The following KCNMB2 variants were observed in gnomAD, a reference collection of about 807,000 sequenced individuals.
KCNMB2 encodes calcium-activated potassium channel subunit beta-2.
KCNMB2 carries 9 observed loss-of-function variants against 24.5 expected under a neutral mutation model. That is an observed-to-expected ratio of 0.37 (90% CI 0.22 to 0.64). KCNMB2 has a LOEUF of 0.64. Ranked by LOEUF, KCNMB2 falls within the 30% of genes least tolerant of loss-of-function variation. KCNMB2 has a pLI of 0.63. For missense variants in KCNMB2, 226 were observed against 284.3 expected (o/e 0.79, Z 1.47); for synonymous variants, 109 against 104.4 (o/e 1.04, Z -0.27).
chr3:178,694,073 C>T (rs1187394979), intron 1 of KCNMB2, among the ~76,000 whole-genome samples: 1 of 152,104 alleles, frequency 6.6e-6, no homozygotes, highest in East Asian at 1.9e-4. Context: ...AGAAGTTTGA[C>T]TCCCAGTTCA....
intron 1 of KCNMB2, among the ~76,000 whole-genome samples, chr3:178,774,824 CA>C (rs969970168): frequency 2.0e-5 from 3 of 152,222 alleles, no homozygotes; most frequent in Non-Finnish European, 2.9e-5. Context: ...ATTATACCAA[CA>C]GTTTAAATAC....
At chr3:178,559,310 A>C (rs558661788) in intron 1 of KCNMB2, among the ~76,000 whole-genome samples, 57 of 152,274 alleles carry the variant, frequency 3.7e-4, no homozygotes, top group African/African-American at 1.3e-3. Flanking sequence ...CTCATATTTT[A>C]AAACATTGCG....
chr3:178,550,102 T>C (rs1355717263), intron 1 of KCNMB2, among the ~76,000 whole-genome samples: 2 of 152,120 alleles, frequency 1.3e-5, no homozygotes, highest in African/African-American at 4.8e-5. Flanking sequence ...ACTTTAATCT[T>C]CAGACTTTGC....
chr3:178,642,607 G>C (rs868820312), intron 1 of KCNMB2, among the ~76,000 whole-genome samples: 4 of 152,158 alleles, frequency 2.6e-5, no homozygotes, highest in Non-Finnish European at 5.9e-5. Flanking sequence ...CTCTCATCAG[G>C]TTTTTATACA....
chr3:178,750,364 C>G (rs1414772696), intron 1 of KCNMB2, among the ~76,000 whole-genome samples: 2 of 152,048 alleles, frequency 1.3e-5, no homozygotes, highest in Non-Finnish European at 2.9e-5. Context: ...TATTATTTTA[C>G]TCTGCGACAG....
At chr3:178,748,239 C>A (rs1392126362) in intron 1 of KCNMB2, 1 of 152,184 alleles carries the variant, frequency 6.6e-6, no homozygotes, top group East Asian at 1.9e-4. Context: ...GAGAAATATT[C>A]CATATCCTGG....
intron 1 of KCNMB2, among the ~76,000 whole-genome samples, chr3:178,569,215 G>A (rs1010578189): frequency 1.3e-5 from 2 of 152,144 alleles, no homozygotes; most frequent in Admixed American, 6.6e-5. Context: ...GTAGGACAGA[G>A]AGGCAATCTC....
At chr3:178,785,623 A>T (rs1381210870) in intron 1 of KCNMB2, among the ~76,000 whole-genome samples, 1 of 152,082 alleles carries the variant, frequency 6.6e-6, no homozygotes, top group Non-Finnish European at 1.5e-5. Context: ...TGGAAGGTGA[A>T]TAAAAAGGGG....
At chr3:178,758,332 A>C (rs1184244825) in intron 1 of KCNMB2, among the ~76,000 whole-genome samples, 2 of 40,952 alleles carry the variant, frequency 4.9e-5, no homozygotes, top group Non-Finnish European at 7.5e-5. Flanking sequence ...ATATATATAT[A>C]TCTCCAAGAG....
intron 1 of KCNMB2, among the ~76,000 whole-genome samples, chr3:178,579,864 T>C (rs768117282): frequency 2.0e-5 from 3 of 152,076 alleles, no homozygotes; most frequent in Non-Finnish European, 4.4e-5. Flanking sequence ...AGTTCTGAAA[T>C]TGAGGCAGTA....
At chr3:178,628,310 C>T (rs1208322011) in intron 1 of KCNMB2, among the ~76,000 whole-genome samples, 2 of 152,088 alleles carry the variant, frequency 1.3e-5, no homozygotes, top group Non-Finnish European at 2.9e-5. Context: ...ACTCTAGTCC[C>T]ATTTGATTTT....
At chr3:178,578,286 T>A (rs1717066100) in intron 1 of KCNMB2, among the ~76,000 whole-genome samples, 1 of 152,152 alleles carries the variant, frequency 6.6e-6, no homozygotes, top group Admixed American at 6.5e-5. Context: ...CTAAGCTTCA[T>A]AAGCAAAGGA....
rs575988502 is a variant in KCNMB2, at chr3:178,632,318, T to C, written c.-68+95607T>C. Among the ~76,000 whole-genome samples, 84 of 152,316 alleles carry C rather than the reference T, an allele frequency of 5.5e-4. 1 individual carries two copies. Among genetic ancestry groups the C allele is most frequent in the African/African-American group, 1.9e-3 (79 of 41,578 alleles). On this transcript the variant is annotated intron_variant, in intron 1 of 4. Transcript: ENST00000452583. ...GGATCAAACTAAGACCCATGGTGTA[T>C]TAGTCCATTCTCACACTGCTAATAA...
At chr3:178,694,151 A>G (rs149623148) in intron 1 of KCNMB2, among the ~76,000 whole-genome samples, 2 of 152,260 alleles carry the variant, frequency 1.3e-5, no homozygotes, top group African/African-American at 4.8e-5. Context: ...ATCCTCCTTC[A>G]TGTGGCAGCA....
At chr3:178,646,416 A>G in intron 1 of KCNMB2, among the ~76,000 whole-genome samples, 1 of 152,158 alleles carries the variant, frequency 6.6e-6, no homozygotes, top group East Asian at 1.9e-4. Context: ...TTTGGCCCAA[A>G]CTTAGTATAA....
chr3:178,810,043 T>G (rs1714124328), intron 2 of KCNMB2, among the ~76,000 whole-genome samples: 2 of 152,180 alleles, frequency 1.3e-5, no homozygotes, highest in African/African-American at 4.8e-5. Context: ...ATCTTCGTCT[T>G]TGCTGCTTAA....
intron 1 of KCNMB2, chr3:178,801,769 T>G (rs1713784515): frequency 6.6e-6 from 1 of 152,196 alleles, no homozygotes; most frequent in South Asian, 2.1e-4. Context: ...TAAGTAAATG[T>G]GGAGAGACAA....
At chr3:178,678,703 T>C (rs1458379462) in intron 1 of KCNMB2, among the ~76,000 whole-genome samples, 1 of 152,186 alleles carries the variant, frequency 6.6e-6, no homozygotes, top group Non-Finnish European at 1.5e-5. Flanking sequence ...AACAGAAAGA[T>C]ATGGAAACAT....
chr3:178,546,814 T>C (rs1286524525), intron 1 of KCNMB2, among the ~76,000 whole-genome samples: 1 of 152,206 alleles, frequency 6.6e-6, no homozygotes, highest in East Asian at 1.9e-4. Context: ...CAAAGGTATC[T>C]ATGACTGCAG....
Sources: gnomAD v4.1 joint callset for allele counts (sites outside exome capture counted in the v4.1 genomes callset) on GRCh38, gnomAD v4.1.1 for gene constraint, MANE v1.5 for transcripts, NCBI Gene and HGNC (gene_info 2026-07-23, HGNC 2026-07-21) for gene names.